Variants in ABHD6 observed in about 807,000 individuals in gnomAD.
The protein encoded by ABHD6 is monoacylglycerol lipase ABHD6.
ABHD6 carries 33 observed loss-of-function variants against 38.8 expected under a neutral mutation model. That is an observed-to-expected ratio of 0.85 (90% CI 0.64 to 1.14). The LOEUF is 1.14. Among genes scored for constraint, ABHD6 ranks in the 50% most tolerant of loss-of-function variants. The pLI is 0.00. For synonymous variants in ABHD6, 147 were observed against 161.6 expected, an observed-to-expected ratio of 0.91 and a Z score of 0.69; for missense variants, 380 against 422.6, an observed-to-expected ratio of 0.90 and a Z score of 0.88.
chr3:58,283,194 C>A (rs190467901), intron 7 of ABHD6, among the ~76,000 whole-genome samples: 2 of 152,302 alleles, frequency 1.3e-5, no homozygotes, highest in Admixed American at 1.3e-4. Context: ...ATGTTCCACC[C>A]CTGAAATCCC....
chr3:58,271,127 T>C (rs750737605), intron 6 of ABHD6, 63 bp downstream of exon 6: 64 of 1,514,122 alleles, frequency 4.2e-5, no homozygotes, highest in Non-Finnish European at 5.0e-5. Context: ...AAGTAGCTAG[T>C]GTCTGCTATG....
At chr3:58,274,864 G>A (rs760367730) in intron 7 of ABHD6, 49 bp downstream of exon 7, 1 of 1,587,054 alleles carries the variant, frequency 6.3e-7, no homozygotes, top group Non-Finnish European at 8.6e-7. Context: ...GAGGCCCGGG[G>A]GCGAGTACCA....
Position 58,269,434 on chromosome 3 carries a change from G to T in ABHD6, c.390G>T (p.Gln130His). 6.2e-7 allele frequency: 1 copy of T among 1,611,258 alleles called. No homozygotes were observed. The highest frequency in any genetic ancestry group is 8.5e-7 in the Non-Finnish European group (1 of 1,177,736). Reference protein sequence around the residue: ...SIDGQVKRIHQFVECLKLNKK... With the variant: ...SIDGQVKRIHHFVECLKLNKK... ...ATGGGCAAGTTAAGAGGATACACCA[G>T]GTAAGCAGGAGGCTCTACCAAAGAT... The change falls in exon 5 of 10, where the codon CAG becomes CAT. Residue 130 changes from glutamine (Q) to histidine (H), a missense_variant and splice_region_variant. Coordinates refer to ENST00000478253, the MANE Select transcript of ABHD6 (RefSeq NM_001320126.2). The surrounding 1 kb of genome is among the most constrained non-coding windows in gnomAD (Gnocchi z 4.4).
At chr3:58,283,617 C>T (rs1248688808) in intron 7 of ABHD6, among the ~76,000 whole-genome samples, 2 of 152,076 alleles carry the variant, frequency 1.3e-5, no homozygotes, top group East Asian at 3.9e-4. Flanking sequence ...GATTGATGTG[C>T]CAGTGCACAG....
At chr3:58,243,868 T>C (rs2097424511) in intron 1 of ABHD6, among the ~76,000 whole-genome samples, 1 of 152,108 alleles carries the variant, frequency 6.6e-6, no homozygotes, top group African/African-American at 2.4e-5. Flanking sequence ...TTCACCATGT[T>C]GTCCAGGCTG....
At chr3:58,274,593 T>G (rs1450875094) in intron 6 of ABHD6, 65 bp from the exon 7 acceptor site, 1 of 1,521,560 alleles carries the variant, frequency 6.6e-7, no homozygotes, top group African/African-American at 1.4e-5. Context: ...AGAAGTTCCC[T>G]ATATAAAATG....
chr3:58,278,708 G>T (rs1288366163), intron 7 of ABHD6, among the ~76,000 whole-genome samples: 1 of 152,114 alleles, frequency 6.6e-6, no homozygotes, highest in African/African-American at 2.4e-5. Flanking sequence ...GTCAATTTTA[G>T]ATCTTTCTTG....
At chr3:58,274,885 C>T (rs748275240) in intron 7 of ABHD6, 70 bp downstream of exon 7, 38 of 1,526,922 alleles carry the variant, frequency 2.5e-5, no homozygotes, top group South Asian at 3.6e-5. Flanking sequence ...GCTTCCTGCA[C>T]GTATTCCCTC....
Position 58,269,753 on chromosome 3 carries a change from C to A in ABHD6, c.390+319C>A, listed in dbSNP as rs1246620495. Among the ~76,000 whole-genome samples, 1 of 152,196 alleles carries A rather than the reference C, an allele frequency of 6.6e-6. No individual in the cohort carries two copies. The highest frequency in any genetic ancestry group is 1.9e-4 in the East Asian group (1 of 5,206). Reference sequence around the variant, plus strand: ...CCTAGGGATCTCTCTTTCTGCTCACCAGTTATATGATAACAGTAATAGCCC... The same window carrying A: ...CCTAGGGATCTCTCTTTCTGCTCACAAGTTATATGATAACAGTAATAGCCC... On this transcript the variant is annotated intron_variant, in intron 5 of 9. Coordinates refer to ENST00000478253, the MANE Select transcript of ABHD6 (RefSeq NM_001320126.2). This position sits in a 1 kb window ranked among gnomAD's most constrained non-coding sequence, Gnocchi z 4.4.
chr3:58,254,879 CACACAT>C (rs1483518122), intron 2 of ABHD6, among the ~76,000 whole-genome samples: 162 of 146,312 alleles, frequency 1.1e-3, no homozygotes, highest in African/African-American at 3.5e-3. Flanking sequence ...CACACACACA[CACACAT>C]ATATATATAT....
chr3:58,261,170 C>T (rs2097436688), intron 3 of ABHD6, among the ~76,000 whole-genome samples: 1 of 151,618 alleles, frequency 6.6e-6, no homozygotes. Flanking sequence ...GTTGTGAAAT[C>T]AAGGTAAGAA....
rs184148545 is a variant in ABHD6 at position 58,266,240 on chromosome 3, G to A, written c.120-949G>A. On this transcript the variant is annotated intron_variant, in intron 3 of 9. Coordinates refer to ENST00000478253, the MANE Select transcript of ABHD6 (RefSeq NM_001320126.2). This position sits in a 1 kb window ranked among gnomAD's most constrained non-coding sequence, Gnocchi z 4.0. ...AACGTGGATGGATCACTTGAGGCCA[G>A]GAGTTTGAGACTGGCCTGGCCAACA... 4.0e-3 allele frequency among the ~76,000 whole-genome samples: 608 copies of A among 152,296 alleles called. 6 individuals are homozygous for A. The highest frequency in any genetic ancestry group is 0.014 in the African/African-American group (565 of 41,566).
rs1422844833 is a variant in ABHD6 at position 58,265,653 on chromosome 3, A to G, written c.120-1536A>G. On this transcript the variant is annotated intron_variant, in intron 3 of 9. Coordinates refer to ENST00000478253, the MANE Select transcript of ABHD6 (RefSeq NM_001320126.2). This position sits in a 1 kb window ranked among gnomAD's most constrained non-coding sequence, Gnocchi z 4.2. ...GTGTCTTATTCCATTTTGTGTTGCT[A>G]CAGCAGAATGCCACAGACTAGATAA... Among the ~76,000 whole-genome samples the G allele has an allele frequency of 6.6e-6, 1 of 152,228 alleles. No individual in the cohort carries two copies. Among genetic ancestry groups the G allele is most frequent in the Non-Finnish European group, 1.5e-5 (1 of 68,040 alleles).
In ABHD6 at chr3:58,284,456, C is replaced by CT. The variant is rs531312734; in HGVS notation, c.682-615dup. 2.2e-3 allele frequency among the ~76,000 whole-genome samples: 308 copies of CT among 142,342 alleles called. 1 individual carries two copies. Among genetic ancestry groups the CT allele is most frequent in the African/African-American group, 3.3e-3 (130 of 39,066 alleles). 93.4% of individuals were successfully genotyped at this position (142,342 alleles called of 152,430 possible). A position where few individuals can be genotyped will look rare whatever the true frequency, so the allele number is the denominator to read the frequency against. ...GATATTATGGTCATCCTCATTATGT[C>CT]TTTTTTTTTTTTTTGAGATAGAGTC... On this transcript the variant is annotated intron_variant, in intron 7 of 9. Transcript: ENST00000478253.
intron 1 of ABHD6, among the ~76,000 whole-genome samples, chr3:58,246,932 G>A (rs6445961): frequency 0.32 from 48,093 of 151,906 alleles, 8,564 homozygotes; most frequent in East Asian, 0.79. Context: ...AGGCTGCATA[G>A]TGTGGAGATG....
rs76507091 is a variant in ABHD6, at chr3:58,285,650, G to A, written c.837+197G>A. Among the ~76,000 whole-genome samples, 17,582 of 152,024 alleles carry A rather than the reference G, an allele frequency of 0.12. 1,317 individuals carry two copies. The highest frequency in any genetic ancestry group is 0.2 in the African/African-American group (8,317 of 41,434). On this transcript the variant is annotated intron_variant, in intron 9 of 9. Coordinates refer to ENST00000478253, the MANE Select transcript of ABHD6 (RefSeq NM_001320126.2). This position sits in a 1 kb window ranked among gnomAD's most constrained non-coding sequence, Gnocchi z 4.9. ...AGTGGAGAGAAACAACATTTGGTCT[G>A]GTAAAAGGAAAGACAATTTTAAATC...
rs751847942 is a variant in ABHD6, at chr3:58,293,866, A to G, written c.*101A>G. Reference sequence around the variant, plus strand: ...GGGATCCTGCCCCAAATGCGGTCGGAGCGCCAGTGACCCTGAGGAAGCCCG... The same window carrying G: ...GGGATCCTGCCCCAAATGCGGTCGGGGCGCCAGTGACCCTGAGGAAGCCCG... On this transcript the variant is annotated 3_prime_UTR_variant, in exon 10 of 10. Coordinates refer to ENST00000478253, the MANE Select transcript of ABHD6 (RefSeq NM_001320126.2). The surrounding 1 kb of genome is among the most constrained non-coding windows in gnomAD (Gnocchi z 4.4). 6.5e-6 allele frequency: 9 copies of G among 1,378,478 alleles called. No individual in the cohort carries two copies. Among genetic ancestry groups the G allele is most frequent in the Admixed American group, 2.2e-5 (1 of 46,402 alleles). The allele number at this position is 1,378,478 out of a possible 1,614,324, so 85.4% of individuals were successfully genotyped here.
chr3:58,264,425 A>G (rs1484400221), intron 3 of ABHD6, among the ~76,000 whole-genome samples: 4 of 139,238 alleles, frequency 2.9e-5, no homozygotes, highest in African/African-American at 9.5e-5. Context: ...ACACACACAC[A>G]CACACACACA....
intron 1 of ABHD6, among the ~76,000 whole-genome samples, chr3:58,242,169 G>A (rs567126685): frequency 6.6e-6 from 1 of 152,262 alleles, no homozygotes; most frequent in Admixed American, 6.5e-5. Flanking sequence ...ATGTCTGGGG[G>A]TTGCAGATCA....
Sources: allele counts gnomAD v4.1 joint callset (sites outside exome capture counted in the v4.1 genomes callset), GRCh38; gene constraint gnomAD v4.1.1; non-coding constraint Gnocchi (gnomAD v3.1); transcripts MANE v1.5; gene names NCBI Gene and HGNC (gene_info 2026-07-23, HGNC 2026-07-21).